The following TTC28 variants were observed in gnomAD, a reference collection of about 807,000 sequenced individuals.
The protein encoded by TTC28 is tetratricopeptide repeat domain 28.
In TTC28, 61 loss-of-function variants were observed where a neutral mutation model predicts 198.0. The observed-to-expected ratio is 0.31, with a 90% CI of 0.25 to 0.38. The LOEUF (loss-of-function observed/expected upper bound fraction) is 0.38, where lower values mean the gene tolerates loss of function less well. Ranked by LOEUF, TTC28 falls within the 10% of genes least tolerant of loss-of-function variation. The pLI, the probability that TTC28 is intolerant of heterozygous loss-of-function variation, is 1.00. For missense variants in TTC28, 2,678 were observed against 3,164.0 expected (o/e 0.85, Z 3.69); for synonymous variants, 1,171 against 1,297.8 (o/e 0.90, Z 2.10).
intron 2 of TTC28, among the ~76,000 whole-genome samples, chr22:28,566,949 G>A (rs1288450061): frequency 6.6e-6 from 1 of 152,070 alleles, no homozygotes; most frequent in Admixed American, 6.5e-5. Context: ...GGGTGCAGTG[G>A]CTCACGCCTG....
intron 1 of TTC28, among the ~76,000 whole-genome samples, chr22:28,641,783 C>T (rs1037382940): frequency 6.6e-6 from 1 of 151,906 alleles, no homozygotes; most frequent in Non-Finnish European, 1.5e-5. Flanking sequence ...CAGAGGAATG[C>T]AGGAGGGAAT....
intron 2 of TTC28, among the ~76,000 whole-genome samples, chr22:28,385,660 C>CTCTGATCAGGT (rs1446904159): frequency 6.6e-6 from 1 of 151,878 alleles, no homozygotes; most frequent in Non-Finnish European, 1.5e-5. Context: ...TTCCAAATGC[C>CTCTGATCAGGT]TCTGATCAGG....
intron 2 of TTC28, among the ~76,000 whole-genome samples, chr22:28,518,107 A>G (rs749577406): frequency 1.3e-5 from 2 of 152,054 alleles, no homozygotes; most frequent in African/African-American, 4.8e-5. Flanking sequence ...TGGCATATCT[A>G]CTATAAATAC....
chr22:28,437,046 A>G (rs375997675), intron 2 of TTC28, among the ~76,000 whole-genome samples: 3 of 152,212 alleles, frequency 2.0e-5, no homozygotes, highest in Admixed American at 6.5e-5. Flanking sequence ...GTGACAAATC[A>G]TATCAGAAGA....
chr22:28,087,203 A>G (rs1159385558), intron 12 of TTC28, among the ~76,000 whole-genome samples: 1 of 152,114 alleles, frequency 6.6e-6, no homozygotes, highest in Non-Finnish European at 1.5e-5. Flanking sequence ...GCAGAGACAA[A>G]ACAAAAAAAG....
At chr22:28,404,169 G>A (rs971846109) in intron 2 of TTC28, among the ~76,000 whole-genome samples, 4 of 152,074 alleles carry the variant, frequency 2.6e-5, no homozygotes, top group African/African-American at 9.7e-5. Flanking sequence ...GCCCAGGTTG[G>A]AGTGCAGTGG....
intron 12 of TTC28, among the ~76,000 whole-genome samples, chr22:28,040,651 A>C (rs1939591353): frequency 6.6e-6 from 1 of 152,244 alleles, no homozygotes; most frequent in Non-Finnish European, 1.5e-5. Flanking sequence ...CAAAAACTGT[A>C]AGCATTCCCT....
rs2046687832 is a variant in TTC28 at position 28,390,005 on chromosome 22, C to T, written c.382-83362G>A. ...AGTGCTATAAATTTCCCTCTACACACTGCTTTGAATGTGTCCCAGAGATTC... is the reference window on the plus strand; with the variant it reads ...AGTGCTATAAATTTCCCTCTACACATTGCTTTGAATGTGTCCCAGAGATTC... On this transcript the variant is annotated intron_variant, in intron 2 of 22. Transcript: ENST00000397906. 4.0e-5 allele frequency among the ~76,000 whole-genome samples: 6 copies of T among 150,542 alleles called. No homozygotes were observed. In the South Asian group the frequency reaches 1.3e-3, roughly 32 times the overall value.
chr22:28,411,800 A>C (rs1376471205), intron 2 of TTC28, among the ~76,000 whole-genome samples: 2 of 152,226 alleles, frequency 1.3e-5, no homozygotes, highest in Non-Finnish European at 2.9e-5. Flanking sequence ...TCCTTACAAG[A>C]GATATGAGAA....
chr22:27,996,634 C>T (rs1013720614), intron 16 of TTC28, among the ~76,000 whole-genome samples: 1 of 152,090 alleles, frequency 6.6e-6, no homozygotes, highest in African/African-American at 2.4e-5. Context: ...TCCTCCTTGC[C>T]ATGGGGGCCA....
chr22:28,256,429 A>AC (rs1362034253), intron 5 of TTC28, among the ~76,000 whole-genome samples: 1 of 151,972 alleles, frequency 6.6e-6, no homozygotes, highest in Non-Finnish European at 1.5e-5. Context: ...CTCAAAAAAA[A>AC]AAAAAAAAAA....
intron 12 of TTC28, among the ~76,000 whole-genome samples, chr22:28,049,718 T>A (rs1940009776): frequency 1.3e-5 from 2 of 152,022 alleles, no homozygotes. Flanking sequence ...GTGTCTACAG[T>A]GTGGTAAGGG....
At position 28,616,969 on chromosome 22, in the gene TTC28, C is replaced by T. The variant is rs989083101; in HGVS notation, c.381+12583G>A. ...CTTTAAAATTAATAGGAGAGTCCCA[C>T]TATGAAATCCTCCTTTATGTAGTGT... On this transcript the variant is annotated intron_variant, in intron 2 of 22. Coordinates refer to ENST00000397906, the MANE Select transcript of TTC28 (RefSeq NM_001145418.2). Among the ~76,000 whole-genome samples the T allele has an allele frequency of 7.2e-5, 11 of 152,268 alleles. No homozygotes were observed. In the East Asian group the frequency reaches 9.6e-4, roughly 13 times the overall value.
At chr22:28,644,675 A>G (rs1055552261) in intron 1 of TTC28, among the ~76,000 whole-genome samples, 2 of 151,430 alleles carry the variant, frequency 1.3e-5, no homozygotes, top group Non-Finnish European at 2.9e-5. Context: ...AAATACAAAA[A>G]TTAGCCAAGC....
intron 5 of TTC28, among the ~76,000 whole-genome samples, chr22:28,291,896 ACAT>A (rs2044794541): frequency 6.6e-6 from 1 of 152,166 alleles, no homozygotes; most frequent in Non-Finnish European, 1.5e-5. Flanking sequence ...AAGTGGAAAA[ACAT>A]AAGTGCAAAA....
At chr22:28,504,445 T>G (rs1409552599) in intron 2 of TTC28, among the ~76,000 whole-genome samples, 1 of 152,156 alleles carries the variant, frequency 6.6e-6, no homozygotes, top group Non-Finnish European at 1.5e-5. Flanking sequence ...TACATATGTG[T>G]GTATATGTAC....
intron 12 of TTC28, among the ~76,000 whole-genome samples, chr22:28,057,596 T>A (rs1002903554): frequency 7.2e-5 from 11 of 152,168 alleles, no homozygotes; most frequent in South Asian, 2.1e-4. Flanking sequence ...TTGATGAGCG[T>A]AAGTTTTAAA....
intron 1 of TTC28, among the ~76,000 whole-genome samples, chr22:28,670,385 C>G (rs1213583445): frequency 2.0e-5 from 3 of 152,126 alleles, no homozygotes; most frequent in Non-Finnish European, 4.4e-5. Flanking sequence ...CTTTCCCTCT[C>G]TATGCATTTG....
At chr22:28,561,072 C>CTTTTTT (rs11296581) in intron 2 of TTC28, among the ~76,000 whole-genome samples, 1 of 58,732 alleles carries the variant, frequency 1.7e-5, no homozygotes, top group African/African-American at 7.1e-5. Context: ...CCTTCATTTT[C>CTTTTTT]TTTTTTTTTT....
Sources: allele counts gnomAD v4.1 joint callset (sites outside exome capture counted in the v4.1 genomes callset), GRCh38; gene constraint gnomAD v4.1.1; transcripts MANE v1.5; gene names NCBI Gene and HGNC (gene_info 2026-07-23, HGNC 2026-07-21).